NCKAP5L: variants seen among roughly 807,000 people sequenced by gnomAD.
NCKAP5L encodes NCK associated protein 5 like.
NCKAP5L carries 54 observed loss-of-function variants against 103.2 expected under a neutral mutation model. The ratio of observed to expected loss-of-function variants is 0.52; its 90% confidence interval spans 0.42 to 0.66. The LOEUF is 0.66. NCKAP5L is among the 30% of genes least tolerant of loss of function. NCKAP5L has a pLI of 0.00. For synonymous variants in NCKAP5L, 762 were observed against 748.6 expected, an observed-to-expected ratio of 1.02 and a Z score of -0.29; for missense variants, 1,733 against 1,750.6, an observed-to-expected ratio of 0.99 and a Z score of 0.18.
intron 1 of NCKAP5L, among the ~76,000 whole-genome samples, chr12:49,814,163 TATA>T (rs1565594780): frequency 1.9e-4 from 14 of 73,410 alleles, no homozygotes; most frequent in African/African-American, 5.2e-4. Context: ...TTTATATTTA[TATA>T]TATATATATA....
rs1424528961 is a variant in NCKAP5L at position 49,797,922 on chromosome 12, T to C, written c.465+428A>G. 1.3e-5 allele frequency among the ~76,000 whole-genome samples: 2 copies of C among 152,130 alleles called. No individual in the cohort carries two copies. Among genetic ancestry groups the C allele is most frequent in the South Asian group, 2.1e-4 (1 of 4,826 alleles). ...ACGCCATGCCCAGCCCTTTCTCAGG[T>C]GTAGCATAGTGTGGTATAGTGGGCA... On this transcript the variant is annotated intron_variant, in intron 7 of 12. Transcript: ENST00000335999. This position sits in a 1 kb window ranked among gnomAD's most constrained non-coding sequence, Gnocchi z 4.5.
Position 49,792,516 on chromosome 12 carries a change from G to T in NCKAP5L, c.3722C>A (p.Ala1241Glu), listed in dbSNP as rs757302905. 1.5e-5 allele frequency: 24 copies of T among 1,613,602 alleles called. No individual in the cohort carries two copies. In the East Asian group the frequency reaches 5.1e-4, roughly 34 times the overall value. The change falls in exon 12 of 13, where the codon GCA (alanine) becomes GAA (glutamate). Residue 1241 changes from alanine (A) to glutamate (E), a missense_variant. Transcript: ENST00000335999. This position sits in a 1 kb window ranked among gnomAD's most constrained non-coding sequence, Gnocchi z 4.5. ...AKNWTFPNTRAAGSSSDPLMC... is the reference protein window; with the variant it reads ...AKNWTFPNTREAGSSSDPLMC... ...GAGAGGGTCCGAGGAGCTGCCGGCTGCCCTAGTATTGGGGAAGGTCCAGTT... is the reference window on the plus strand; with the variant it reads ...GAGAGGGTCCGAGGAGCTGCCGGCTTCCCTAGTATTGGGGAAGGTCCAGTT...
intron 1 of NCKAP5L, among the ~76,000 whole-genome samples, chr12:49,823,994 G>A (rs1946388826): frequency 1.3e-5 from 2 of 152,222 alleles, no homozygotes; most frequent in Admixed American, 6.5e-5. Context: ...GGTGGGGGGT[G>A]AGGGTGCCAG....
chr12:49,825,843 C>G (rs1177147844), intron 1 of NCKAP5L, among the ~76,000 whole-genome samples: 1 of 152,210 alleles, frequency 6.6e-6, no homozygotes, highest in Non-Finnish European at 1.5e-5. Flanking sequence ...TAACCACCAC[C>G]TCTCCTTCAA....
chr12:49,792,032 TTCCGG>T lies in NCKAP5L; in HGVS notation c.3807_3811del (p.Asp1269GlufsTer21). ...CGGGCGGCTGGGCTCCTGGCTTCGC[TTCCGG>T]TCCACGGGCAGGGCCTGGGAAAGGA... On this transcript the variant is annotated frameshift_variant, in exon 13 of 13. Transcript: ENST00000335999. LOFTEE classifies it high-confidence loss of function. The surrounding 1 kb of genome is among the most constrained non-coding windows in gnomAD (Gnocchi z 4.5). 6.4e-7 allele frequency: 1 copy of T among 1,556,668 alleles called. No individual in the cohort carries two copies. The highest frequency in any genetic ancestry group is 1.2e-5 in the South Asian group (1 of 82,726).
chr12:49,796,180 C>T lies in NCKAP5L; in HGVS notation c.1680G>A (p.Leu560=). The change falls in exon 8 of 13, where the codon CTG becomes CTA. Residue 560 remains leucine (L), a synonymous_variant. Coordinates refer to ENST00000335999, the MANE Select transcript of NCKAP5L (RefSeq NM_001037806.4). ...PVVSPCYENI[L]DLSRSTFRGP... is the part of the protein sequence containing the mutation. The stretch of plus-strand genomic sequence containing the variant: ...CCCTAAAGGTGCTCCGAGAAAGGTC[C>T]AGAATGTTCTCATAGCAGGGAGACA... 6.2e-7 allele frequency: 1 copy of T among 1,607,750 alleles called. No homozygotes were observed.
At chr12:49,812,406 A>C (rs1946250633) in intron 1 of NCKAP5L, among the ~76,000 whole-genome samples, 1 of 150,206 alleles carries the variant, frequency 6.7e-6, no homozygotes, top group South Asian at 2.1e-4. Flanking sequence ...TTTTTTAGAC[A>C]GAGTTTCACT....
chr12:49,810,534 T>G (rs1042835718), intron 1 of NCKAP5L, among the ~76,000 whole-genome samples: 3 of 152,114 alleles, frequency 2.0e-5, no homozygotes, highest in Non-Finnish European at 4.4e-5. Context: ...GTCTGTAAGG[T>G]CAAAGCTGTT....
chr12:49,802,694 C>G (rs1393137780), intron 5 of NCKAP5L: 1 of 550,738 alleles, frequency 1.8e-6, no homozygotes, highest in Non-Finnish European at 3.3e-6. Flanking sequence ...ATCAACACTG[C>G]TTTAAGGGCT....
rs759542758 is a variant in NCKAP5L at position 49,794,829 on chromosome 12, C to T, written c.3031G>A (p.Val1011Met). The change falls in exon 8 of 13, where the codon GTG (valine) becomes ATG (methionine). Residue 1011 changes from valine to methionine, a missense_variant. Coordinates refer to ENST00000335999, the MANE Select transcript of NCKAP5L (RefSeq NM_001037806.4). ...TACATGCCAGCCAGCTGGCCCTGCA[C>T]CTGCCCCAGCCCCGTGTTGGGCCCT... is the stretch of plus-strand genomic sequence containing the variant. ...APGPNTGLGQ[V>M]QGQLAGMYQG... 18 of 1,541,844 alleles carry T rather than the reference C, an allele frequency of 1.2e-5. No homozygotes were observed. Among genetic ancestry groups the T allele is most frequent in the East Asian group, 2.4e-5 (1 of 41,656 alleles).
chr12:49,802,033 TTCA>T, intron 5 of NCKAP5L, 66 bp from the exon 6 acceptor site: 1 of 1,591,440 alleles, frequency 6.3e-7, no homozygotes, highest in Non-Finnish European at 8.6e-7. Flanking sequence ...CACAGTGCTC[TTCA>T]TCAGAGCAGC....
At chr12:49,804,891 C>G (rs543645029) in intron 2 of NCKAP5L, 13 of 152,432 alleles carry the variant, frequency 8.5e-5, no homozygotes, top group African/African-American at 3.1e-4. Context: ...AGCTCTGGCT[C>G]CAGTGCTCAC....
chr12:49,796,119 C>G lies in NCKAP5L; in HGVS notation c.1741G>C (p.Val581Leu). The G allele has an allele frequency of 6.2e-7, 1 of 1,610,778 alleles. No homozygotes were observed. The highest frequency in any genetic ancestry group is 8.5e-7 in the Non-Finnish European group (1 of 1,178,738). ...SPEPPPSPLQ[V>L]PTYPQLTLEV... ...AGAGTTAGCTGTGGGTAGGTGGGCA[C>G]CTGCAGTGGGGATGGAGGTGGCTCT... The change falls in exon 8 of 13, where the codon GTG becomes CTG. Residue 581 changes from valine to leucine, a missense_variant. Physicochemically the swap from Val to Leu is conservative, Grantham distance 32 (BLOSUM62 1). Transcript: ENST00000335999.
Position 49,791,785 on chromosome 12 carries a change from C to G in NCKAP5L, c.*54G>C. 1 of 1,441,554 alleles carries G rather than the reference C, an allele frequency of 6.9e-7. No individual in the cohort carries two copies. The highest frequency in any genetic ancestry group is 2.5e-5 in the East Asian group (1 of 39,984). 89.3% of individuals were successfully genotyped at this position (1,441,554 alleles called of 1,614,324 possible). On this transcript the variant is annotated 3_prime_UTR_variant, in exon 13 of 13. Transcript: ENST00000335999. ...CTCCGGGGGCTGGGCATGAAGAGAG[C>G]CGGTCCAGTCTGTGGTCCCCAGCTC... is the stretch of plus-strand genomic sequence containing the variant.
rs372382126 is a variant in NCKAP5L at position 49,791,999 on chromosome 12, G to A, written c.3845C>T (p.Thr1282Met). 2.4e-4 allele frequency: 374 copies of A among 1,591,024 alleles called. 2 individuals are homozygous for A. The South Asian group carries it at 3.6e-3, about 15-fold the overall frequency. Residue 1282 changes from threonine to methionine, a missense_variant, in exon 13 of 13, where the codon ACG becomes ATG. Thr to Met is a moderately conservative substitution (Grantham distance 81). Transcript: ENST00000335999. ...ACCCCCGAAAGGTGGGCCCTGGGGC[G>A]TAGGGGACGGGCGGCTGGGCTCCTG... is the stretch of plus-strand genomic sequence containing the variant. ...RSQEPSRPSP[T>M]PQGPPFGGSR...
chr12:49,828,163 G>A (rs887960449), intron 1 of NCKAP5L, among the ~76,000 whole-genome samples, 159 bp downstream of exon 1: 1 of 151,524 alleles, frequency 6.6e-6, no homozygotes, highest in Non-Finnish European at 1.5e-5. Flanking sequence ...GGGACGGAGG[G>A]GCGGGCAGCA....
rs767456112 is a variant in NCKAP5L at position 49,797,007 on chromosome 12, C to T, written c.853G>A (p.Gly285Ser). ...GPSRGPPQAQGTSSGPNCAPG... is the reference protein window; with the variant it reads ...GPSRGPPQAQSTSSGPNCAPG... ...GCACAGTTTGGGCCAGAGCTGGTGC[C>T]CTGGGCCTGAGGAGGTCCCCTGCTA... The change falls in exon 8 of 13, where the codon GGC becomes AGC. Residue 285 changes from glycine (G) to serine (S), a missense_variant. Gly to Ser is a moderately conservative substitution (Grantham distance 56). Transcript: ENST00000335999. The surrounding 1 kb of genome is among the most constrained non-coding windows in gnomAD (Gnocchi z 4.5). 2.5e-6 allele frequency: 4 copies of T among 1,584,770 alleles called. No individual in the cohort carries two copies. Among genetic ancestry groups the T allele is most frequent in the Admixed American group, 3.6e-5 (2 of 55,454 alleles).
chr12:49,821,682 T>C (rs1251153914), intron 1 of NCKAP5L, among the ~76,000 whole-genome samples: 3 of 152,256 alleles, frequency 2.0e-5, no homozygotes, highest in Non-Finnish European at 4.4e-5. Context: ...GCTATAATTA[T>C]AAAACTGTTT....
rs67299530 is a variant in NCKAP5L at position 49,807,246 on chromosome 12, CGTGTGT to C, written c.-98-1211_-98-1206del. ...ACAGTGAAAAGAGAGAATGCTTCTT[CGTGTGT>C]GTGTGTGTGTGTGTGTGTGTGTACA... On this transcript the variant is annotated intron_variant, in intron 1 of 12. Coordinates refer to ENST00000335999, the MANE Select transcript of NCKAP5L (RefSeq NM_001037806.4). Among the ~76,000 whole-genome samples, 44 of 149,258 alleles carry C rather than the reference CGTGTGT, an allele frequency of 2.9e-4. No homozygotes were observed. The East Asian group carries it at 5.3e-3, about 18-fold the overall frequency.
Sources: gnomAD v4.1 joint callset for allele counts (sites outside exome capture counted in the v4.1 genomes callset) on GRCh38, gnomAD v4.1.1 for gene constraint, Gnocchi (gnomAD v3.1) non-coding constraint, MANE v1.5 for transcripts, NCBI Gene and HGNC (gene_info 2026-07-23, HGNC 2026-07-21) for gene names.